ZMAT4: variants seen among roughly 807,000 people sequenced by gnomAD.
The protein encoded by ZMAT4 is zinc finger matrin-type protein 4.
ZMAT4 carries 17 observed loss-of-function variants against 28.7 expected under a neutral mutation model. The ratio of observed to expected loss-of-function variants is 0.59; its 90% CI spans 0.41 to 0.89. The LOEUF is 0.89. Ranked by LOEUF, ZMAT4 falls within the 40% of genes least tolerant of loss-of-function variation. The pLI is 0.00. For synonymous variants in ZMAT4, 117 were observed against 109.2 expected (o/e 1.07, Z -0.44); for missense variants, 240 against 283.8 (o/e 0.85, Z 1.11).
intron 2 of ZMAT4, among the ~76,000 whole-genome samples, chr8:40,782,210 A>ACCC (rs1037711141): frequency 6.6e-6 from 1 of 151,516 alleles, no homozygotes; most frequent in Admixed American, 6.6e-5. Context: ...ATATGGTGAA[A>ACCC]CCCCGCCTCT....
At chr8:40,771,823 A>G (rs1348310890) in intron 2 of ZMAT4, among the ~76,000 whole-genome samples, 1 of 152,234 alleles carries the variant, frequency 6.6e-6, no homozygotes, top group African/African-American at 2.4e-5. Context: ...GAAAAGCTAC[A>G]TCTGAAACTG....
rs567396201 is a variant in ZMAT4, at chr8:40,897,132, C to G, written c.-5+551G>C. Reference sequence around the variant, plus strand: ...ACCAGGTCAAACAGAATAGACCATCCTCACCCACCCACCCCGGGGAATGTC... The same window carrying G: ...ACCAGGTCAAACAGAATAGACCATCGTCACCCACCCACCCCGGGGAATGTC... On this transcript the variant is annotated intron_variant, in intron 1 of 6. Coordinates refer to ENST00000297737, the MANE Select transcript of ZMAT4 (RefSeq NM_024645.3). Among the ~76,000 whole-genome samples, 399 of 152,186 alleles carry G rather than the reference C, an allele frequency of 2.6e-3. 4 individuals are homozygous for G. The highest frequency in any genetic ancestry group is 9.1e-3 in the African/African-American group (379 of 41,526).
intron 3 of ZMAT4, among the ~76,000 whole-genome samples, chr8:40,759,994 C>T (rs1220973829): frequency 1.3e-5 from 2 of 152,190 alleles, no homozygotes; most frequent in Non-Finnish European, 2.9e-5. Flanking sequence ...TGCCCACTAA[C>T]GCAGCCTGAC....
chr8:40,659,586 G>A (rs1349625816), intron 5 of ZMAT4, among the ~76,000 whole-genome samples: 1 of 152,106 alleles, frequency 6.6e-6, no homozygotes, highest in African/African-American at 2.4e-5. Flanking sequence ...TTAAACATAA[G>A]CTTGAACAAT....
At chr8:40,860,574 G>A (rs997988473) in intron 1 of ZMAT4, among the ~76,000 whole-genome samples, 1 of 152,178 alleles carries the variant, frequency 6.6e-6, no homozygotes, top group Non-Finnish European at 1.5e-5. Flanking sequence ...CCCAGCCATA[G>A]ATCTGTGCGT....
At chr8:40,892,031 G>T (rs1025124595) in intron 1 of ZMAT4, among the ~76,000 whole-genome samples, 6 of 152,134 alleles carry the variant, frequency 3.9e-5, no homozygotes, top group Non-Finnish European at 8.8e-5. Context: ...GCCTGCCTTT[G>T]GGTCCGGAGC....
intron 1 of ZMAT4, among the ~76,000 whole-genome samples, chr8:40,887,769 C>A (rs375697426): frequency 6.6e-6 from 1 of 152,142 alleles, no homozygotes; most frequent in East Asian, 1.9e-4. Flanking sequence ...TCTCGGCTCC[C>A]CCTCCCTTCG....
Position 40,747,529 on chromosome 8 carries a change from C to CTT in ZMAT4, c.192+20110_192+20111dup, listed in dbSNP as rs5891119. ...TCTCCCTCCCTTCTTTCTCTTTCCC[C>CTT]TTTTTTTTGCATCATCAGCCATGAT... On this transcript the variant is annotated intron_variant, in intron 3 of 6. Coordinates refer to ENST00000297737, the MANE Select transcript of ZMAT4 (RefSeq NM_024645.3). Among the ~76,000 whole-genome samples, 274 of 151,022 alleles carry CTT rather than the reference C, an allele frequency of 1.8e-3. 1 individual carries two copies. The highest frequency in any genetic ancestry group is 2.6e-3 in the African/African-American group (106 of 41,122).
intron 6 of ZMAT4, among the ~76,000 whole-genome samples, chr8:40,558,745 C>A (rs1803629344): frequency 6.6e-6 from 1 of 152,082 alleles, no homozygotes; most frequent in Non-Finnish European, 1.5e-5. Flanking sequence ...CCTAAGGCCC[C>A]CAACTGACTG....
intron 5 of ZMAT4, among the ~76,000 whole-genome samples, chr8:40,610,642 G>A (rs894943893): frequency 4.6e-5 from 7 of 151,932 alleles, no homozygotes; most frequent in East Asian, 1.9e-4. Flanking sequence ...AATTTAATTC[G>A]GTTATCTTCT....
chr8:40,650,053 GA>G (rs1205178905), intron 5 of ZMAT4, among the ~76,000 whole-genome samples: 1 of 152,040 alleles, frequency 6.6e-6, no homozygotes, highest in Non-Finnish European at 1.5e-5. Flanking sequence ...AAAGCTAGAA[GA>G]AGGCAAGAAA....
intron 3 of ZMAT4, among the ~76,000 whole-genome samples, chr8:40,708,312 G>A (rs1349999845): frequency 6.6e-6 from 1 of 152,134 alleles, no homozygotes; most frequent in African/African-American, 2.4e-5. Flanking sequence ...TTATAAGAGA[G>A]GTCTGTGGAG....
chr8:40,738,391 A>C (rs2150532420), intron 3 of ZMAT4, among the ~76,000 whole-genome samples: 1 of 152,258 alleles, frequency 6.6e-6, no homozygotes, highest in Admixed American at 6.5e-5. Context: ...GGGAGGTGAA[A>C]GTTGTGCAAG....
At chr8:40,892,193 T>C (rs1818718558) in intron 1 of ZMAT4, among the ~76,000 whole-genome samples, 2 of 152,240 alleles carry the variant, frequency 1.3e-5, no homozygotes, top group African/African-American at 2.4e-5. Context: ...GCCCATCTTA[T>C]TTCATTTATC....
chr8:40,571,481 A>G (rs917122049), intron 6 of ZMAT4, among the ~76,000 whole-genome samples: 4 of 152,142 alleles, frequency 2.6e-5, no homozygotes, highest in Non-Finnish European at 4.4e-5. Context: ...GCTCTTAACA[A>G]TAGTGGATTT....
chr8:40,678,153 G>A (rs1184981269), intron 4 of ZMAT4, among the ~76,000 whole-genome samples: 1 of 152,118 alleles, frequency 6.6e-6, no homozygotes, highest in Non-Finnish European at 1.5e-5. Flanking sequence ...AGCTTTCTTA[G>A]ATCTTCACAT....
chr8:40,658,362 T>C (rs774356800), intron 5 of ZMAT4, among the ~76,000 whole-genome samples: 5 of 152,168 alleles, frequency 3.3e-5, no homozygotes, highest in Admixed American at 3.3e-4. Flanking sequence ...TTGGATTCTC[T>C]TATATTCCTC....
At chr8:40,818,772 G>A (rs1473722729) in intron 2 of ZMAT4, among the ~76,000 whole-genome samples, 1 of 152,154 alleles carries the variant, frequency 6.6e-6, no homozygotes, top group Non-Finnish European at 1.5e-5. Flanking sequence ...CAGTCACACC[G>A]CCTGATCTAA....
intron 1 of ZMAT4, among the ~76,000 whole-genome samples, chr8:40,895,577 C>A (rs1002830403): frequency 6.6e-6 from 1 of 152,138 alleles, no homozygotes; most frequent in Non-Finnish European, 1.5e-5. Context: ...GGAAGGAAAG[C>A]GAGCGCTCCA....
Sources: gnomAD v4.1 joint callset for allele counts (sites outside exome capture counted in the v4.1 genomes callset) on GRCh38, gnomAD v4.1.1 for gene constraint, MANE v1.5 for transcripts, NCBI Gene and HGNC (gene_info 2026-07-23, HGNC 2026-07-21) for gene names.